The following SLC35F4 variants were observed in gnomAD, a reference collection of about 807,000 sequenced individuals.
SLC35F4 encodes the protein chromosome 14 open reading frame 36.
Under a neutral mutation model 44.2 loss-of-function variants are expected in SLC35F4, and 24 were observed. That is an observed-to-expected ratio of 0.54 (90% CI 0.39 to 0.76). The LOEUF is 0.76. Ranked by LOEUF, SLC35F4 falls within the 30% of genes least tolerant of loss-of-function variation. The probability of loss-of-function intolerance (pLI) is 0.00; values close to 1 mark genes in which losing one functional copy is unlikely to be tolerated. For missense variants in SLC35F4, 562 were observed against 586.1 expected, an observed-to-expected ratio of 0.96 and a Z score of 0.42; for synonymous variants, 238 against 223.6, an observed-to-expected ratio of 1.06 and a Z score of -0.57.
At chr14:57,900,504 G>C (rs1358900441) in intron 1 of SLC35F4, among the ~76,000 whole-genome samples, 3 of 152,186 alleles carry the variant, frequency 2.0e-5, no homozygotes, top group Non-Finnish European at 2.9e-5. Flanking sequence ...CTTTCTAGAA[G>C]AGAGACTCCA....
In SLC35F4 at chr14:57,851,109, A is replaced by G. The variant is rs1179239097; in HGVS notation, c.103+14614T>C. On this transcript the variant is annotated intron_variant, in intron 1 of 7. Transcript: ENST00000556826. ...TTGAAGAAAACTGGGTGTCATGCAC[A>G]TTGTCATGCCTAAGACCACTGCAAA... Among the ~76,000 whole-genome samples, 9 of 152,346 alleles carry G rather than the reference A, an allele frequency of 5.9e-5. No individual in the cohort carries two copies. The East Asian group carries it at 1.7e-3, about 29-fold the overall frequency.
chr14:57,688,573 C>G, intron 1 of SLC35F4, among the ~76,000 whole-genome samples: 1 of 152,140 alleles, frequency 6.6e-6, no homozygotes, highest in East Asian at 1.9e-4. Context: ...TCAAGATGAT[C>G]TGGATGAAAT....
At chr14:57,958,929 C>T (rs1227776364) in intron 1 of SLC35F4, among the ~76,000 whole-genome samples, 1 of 152,298 alleles carries the variant, frequency 6.6e-6, no homozygotes, top group African/African-American at 2.4e-5. Flanking sequence ...CTTCCAAATG[C>T]TCTGGAGGAG....
chr14:57,710,903 G>A (rs1297478277), intron 1 of SLC35F4, among the ~76,000 whole-genome samples: 1 of 152,104 alleles, frequency 6.6e-6, no homozygotes, highest in Non-Finnish European at 1.5e-5. Flanking sequence ...TGTCTCAGAT[G>A]AGACTTTAAA....
intron 1 of SLC35F4, among the ~76,000 whole-genome samples, chr14:57,952,389 GA>G (rs1328870125): frequency 6.6e-6 from 1 of 152,060 alleles, no homozygotes; most frequent in African/African-American, 2.4e-5. Flanking sequence ...TCCTCCAAAG[GA>G]TCACAACTTC....
intron 1 of SLC35F4, among the ~76,000 whole-genome samples, chr14:57,965,333 C>A (rs1242331922): frequency 7.7e-6 from 1 of 130,668 alleles, no homozygotes; most frequent in East Asian, 2.7e-4. Context: ...TTCACATCTC[C>A]TTTTCTACCT....
chr14:57,914,307 T>C (rs998830190), intron 1 of SLC35F4, among the ~76,000 whole-genome samples: 4 of 152,312 alleles, frequency 2.6e-5, no homozygotes, highest in Admixed American at 1.3e-4. Flanking sequence ...CTCACGCCTG[T>C]AATCCCAGCA....
chr14:57,903,637 C>T (rs1268974521), intron 1 of SLC35F4, among the ~76,000 whole-genome samples: 1 of 152,178 alleles, frequency 6.6e-6, no homozygotes, highest in Non-Finnish European at 1.5e-5. Context: ...ATCATGAAAA[C>T]CTAATTTAAT....
chr14:57,923,834 T>C (rs541264401), intron 1 of SLC35F4, among the ~76,000 whole-genome samples: 2 of 152,358 alleles, frequency 1.3e-5, no homozygotes, highest in East Asian at 3.9e-4. Flanking sequence ...CCATTTTGTG[T>C]TGCTGTAAAG....
intron 1 of SLC35F4, among the ~76,000 whole-genome samples, chr14:57,809,981 C>G (rs1038835884): frequency 2.6e-5 from 4 of 152,204 alleles, no homozygotes; most frequent in Non-Finnish European, 4.4e-5. Flanking sequence ...TCAGGTCCTT[C>G]CCTTAACCTT....
At chr14:57,877,966 T>C (rs1434801005) in intron 1 of SLC35F4, among the ~76,000 whole-genome samples, 3 of 152,092 alleles carry the variant, frequency 2.0e-5, no homozygotes, top group Admixed American at 6.6e-5. Context: ...ATTACAGGCA[T>C]GAGGCACCAT....
intron 1 of SLC35F4, among the ~76,000 whole-genome samples, chr14:57,925,795 A>G (rs559442789): frequency 6.6e-6 from 1 of 152,188 alleles, no homozygotes; most frequent in African/African-American, 2.4e-5. Context: ...AAAACCCACT[A>G]GTTTAAATCT....
chr14:57,928,591 G>T (rs768934747), intron 1 of SLC35F4, among the ~76,000 whole-genome samples: 4 of 152,202 alleles, frequency 2.6e-5, no homozygotes, highest in Non-Finnish European at 4.4e-5. Context: ...GTGCGATAAA[G>T]CTAGTTAAAA....
Position 57,928,130 on chromosome 14 carries a change from C to T in SLC35F4, n.282+53783G>A, listed in dbSNP as rs142166012. On this transcript the variant is annotated intron_variant and non_coding_transcript_variant, in intron 1 of 1. Transcript: ENST00000556568. ...TCATGGGAGAGCCTAGACTTTGATC[C>T]TTACCATGCTATAATGAGGCACTCA... 1.1e-4 allele frequency among the ~76,000 whole-genome samples: 17 copies of T among 152,108 alleles called. No individual in the cohort carries two copies. The East Asian group carries it at 1.9e-3, about 17-fold the overall frequency.
At chr14:57,890,820 G>A (rs555249339) in intron 1 of SLC35F4, among the ~76,000 whole-genome samples, 7 of 152,298 alleles carry the variant, frequency 4.6e-5, no homozygotes, top group African/African-American at 1.4e-4. Flanking sequence ...TGTAGATACT[G>A]TTGATTGATG....
chr14:57,860,030 C>T (rs929683226), intron 1 of SLC35F4, among the ~76,000 whole-genome samples: 2 of 152,090 alleles, frequency 1.3e-5, no homozygotes, highest in African/African-American at 4.8e-5. Context: ...ATTACAGACA[C>T]ACCAAAGATG....
intron 1 of SLC35F4, among the ~76,000 whole-genome samples, chr14:57,597,811 A>G (rs1286351546): frequency 6.6e-6 from 1 of 152,186 alleles, no homozygotes; most frequent in African/African-American, 2.4e-5. Flanking sequence ...AGATGCTGAA[A>G]TCTCAATATA....
intron 1 of SLC35F4, among the ~76,000 whole-genome samples, chr14:57,707,082 G>A (rs188616014): frequency 6.6e-6 from 1 of 152,244 alleles, no homozygotes; most frequent in African/African-American, 2.4e-5. Context: ...AAAAGGTATT[G>A]GGAAAAAGAA....
rs143990333 is a variant in SLC35F4, at chr14:57,648,100, T to C, written c.104-53976A>G. 2.4e-4 allele frequency among the ~76,000 whole-genome samples: 36 copies of C among 152,338 alleles called. No homozygotes were observed. The East Asian group carries it at 3.1e-3, about 13-fold the overall frequency. On this transcript the variant is annotated intron_variant, in intron 1 of 7. Transcript: ENST00000556826. Reference sequence around the variant, plus strand: ...CTGATTTTACTGTGACAGTAACTTCTAGCACGATTTCTTTAAATGCTAGCA... The same window carrying C: ...CTGATTTTACTGTGACAGTAACTTCCAGCACGATTTCTTTAAATGCTAGCA...
Sources: allele counts gnomAD v4.1 joint callset (sites outside exome capture counted in the v4.1 genomes callset), GRCh38; gene constraint gnomAD v4.1.1; transcripts MANE v1.5; gene names NCBI Gene and HGNC (gene_info 2026-07-23, HGNC 2026-07-21).